Variants in EIF1AY observed in about 807,000 individuals in gnomAD.
The protein encoded by EIF1AY is eukaryotic translation initiation factor 1A Y-linked, also known as eukaryotic translation initiation factor 1A, Y-chromosomal.
For missense variants in EIF1AY, 19 were observed against 30.6 expected (o/e 0.62, Z 0.89); for synonymous variants, 16 against 9.9 (o/e 1.62, Z -1.16).
At chrY:20,584,017 C>T in intron 3 of EIF1AY, among the ~76,000 whole-genome samples, 1 of 32,851 alleles carries the variant, frequency 3.0e-5, no homozygotes, top group Non-Finnish European at 7.4e-5. Flanking sequence ...CTATGTACTA[C>T]ATACAACTAT....
intron 2 of EIF1AY, 102 bp from the exon 3 acceptor site, chrY:20,582,488 G>A: frequency 1.5e-5 from 3 of 203,595 alleles, no homozygotes; most frequent in Non-Finnish European, 2.6e-5. Context: ...TAGAATTACA[G>A]GCATGAGCCA....
chrY:20,586,480 T>C (rs888190085), intron 4 of EIF1AY, among the ~76,000 whole-genome samples: 1 of 33,614 alleles, frequency 3.0e-5, no homozygotes, highest in African/African-American at 1.2e-4. Flanking sequence ...TAGAATGGTG[T>C]TATCAAAGAA....
intron 1 of EIF1AY, among the ~76,000 whole-genome samples, chrY:20,577,121 G>T (rs765299809): frequency 3.0e-5 from 1 of 33,197 alleles, no homozygotes; most frequent in Admixed American, 2.7e-4. Flanking sequence ...TAAGCCATCA[G>T]CTCTAAAGAT....
chrY:20,592,661 A>G lies in EIF1AY; in HGVS notation c.*315A>G. On this transcript the variant is annotated 3_prime_UTR_variant, in exon 7 of 7. Coordinates refer to ENST00000361365, the MANE Select transcript of EIF1AY (RefSeq NM_004681.4). ...TCAAGTAATTGGATATTTTGAATACATTTCTGCCTGATAATCATGCTGGGT... is the reference window on the plus strand; with the variant it reads ...TCAAGTAATTGGATATTTTGAATACGTTTCTGCCTGATAATCATGCTGGGT... 1 of 44,537 alleles carries G rather than the reference A, an allele frequency of 2.2e-5. No homozygotes were observed. The highest frequency in any genetic ancestry group is 4.7e-4 in the South Asian group (1 of 2,132). 11.1% of individuals were successfully genotyped at this position (44,537 alleles called of 400,897 possible).
rs2089351371 is a variant in EIF1AY, at chrY:20,582,486, C to T, written c.101-104C>T. 5 of 195,027 alleles carry T rather than the reference C, an allele frequency of 2.6e-5. No individual in the cohort carries two copies. In the Admixed American group the frequency reaches 4.7e-4, roughly 18 times the overall value. The allele number at this position is 195,027 out of a possible 400,897, so 48.6% of individuals were successfully genotyped here. On this transcript the variant is annotated intron_variant, in intron 2 of 6. Transcript: ENST00000361365. ...TTGGCCTCCCAAATTGCTAGAATTA[C>T]AGGCATGAGCCACCATGCCTGGCCC...
chrY:20,584,592 A>G, intron 4 of EIF1AY, 68 bp downstream of exon 4: 1 of 165,033 alleles, frequency 6.1e-6, no homozygotes, highest in Non-Finnish European at 9.9e-6. Context: ...GAAGGTAACT[A>G]TACTAGCATC....
chrY:20,584,886 G>C, intron 4 of EIF1AY, among the ~76,000 whole-genome samples: 1 of 33,408 alleles, frequency 3.0e-5, no homozygotes, highest in Non-Finnish European at 7.4e-5. Context: ...CATTCAGCTA[G>C]GTATTTCAGA....
At chrY:20,588,774 C>A in intron 5 of EIF1AY, 1 of 33,353 alleles carries the variant, frequency 3.0e-5, no homozygotes, top group African/African-American at 1.2e-4. Flanking sequence ...ACATGAAGAT[C>A]TTGATGAAAT....
intron 5 of EIF1AY, chrY:20,588,753 T>C: frequency 3.0e-5 from 1 of 33,767 alleles, no homozygotes; most frequent in East Asian, 7.8e-4. Flanking sequence ...TATGAAAAGA[T>C]TTTTATATAA....
intron 3 of EIF1AY, among the ~76,000 whole-genome samples, chrY:20,584,015 T>C: frequency 6.0e-5 from 2 of 33,103 alleles, no homozygotes; most frequent in African/African-American, 1.2e-4. Context: ...AACTATGTAC[T>C]ACATACAACT....
chrY:20,581,752 A>G, intron 2 of EIF1AY, among the ~76,000 whole-genome samples: 1 of 33,332 alleles, frequency 3.0e-5, no homozygotes, highest in Non-Finnish European at 7.4e-5. Flanking sequence ...GATAGTGAAG[A>G]TAGAGTTAGG....
chrY:20,587,523 C>T, intron 4 of EIF1AY: 1 of 33,707 alleles, frequency 3.0e-5, no homozygotes, highest in Non-Finnish European at 7.3e-5. Context: ...CTCCTGACCT[C>T]ATGATCCGCC....
At chrY:20,584,916 C>A in intron 4 of EIF1AY, among the ~76,000 whole-genome samples, 1 of 33,103 alleles carries the variant, frequency 3.0e-5, no homozygotes, top group Non-Finnish European at 7.4e-5. Context: ...TCCCAAATGC[C>A]GGTCTGTTAA....
At chrY:20,585,845 T>A (rs2089354185) in intron 4 of EIF1AY, among the ~76,000 whole-genome samples, 1 of 30,862 alleles carries the variant, frequency 3.2e-5, no homozygotes, top group Non-Finnish European at 7.9e-5. Context: ...TTTTTTTTTT[T>A]AAACCGAACA....
At chrY:20,583,107 T>C (rs13447372) in intron 3 of EIF1AY, among the ~76,000 whole-genome samples, 1 of 33,567 alleles carries the variant, frequency 3.0e-5, no homozygotes, top group Admixed American at 2.7e-4. Flanking sequence ...ACTAGGAAAA[T>C]TGGAATATGG....
At chrY:20,578,100 A>G in intron 1 of EIF1AY, among the ~76,000 whole-genome samples, 1 of 33,139 alleles carries the variant, frequency 3.0e-5, no homozygotes, top group East Asian at 7.8e-4. Flanking sequence ...AAACTTGCTC[A>G]TTTGGTTTTC....
chrY:20,586,730 C>G, intron 4 of EIF1AY: 1 of 33,879 alleles, frequency 3.0e-5, no homozygotes, highest in Admixed American at 2.7e-4. Context: ...TCTGAAGGAA[C>G]AAATTTTAGC....
In EIF1AY at chrY:20,575,895, T is replaced by C; in HGVS notation, c.16+8T>C. On this transcript the variant is annotated splice_region_variant and intron_variant, in intron 1 of 6. Transcript: ENST00000361365. ...CCATGCCCAAGAATAAAGGTACTGC[T>C]GTAAGCCTCTGGGACTATACCTCGG... 1 of 381,550 alleles carries C rather than the reference T, an allele frequency of 2.6e-6. No individual in the cohort carries two copies. Among genetic ancestry groups the C allele is most frequent in the Non-Finnish European group, 3.7e-6 (1 of 273,546 alleles).
In EIF1AY at chrY:20,592,985, T is replaced by A; in HGVS notation, c.*639T>A. 3 of 33,517 alleles carry A rather than the reference T, an allele frequency of 9.0e-5. No homozygotes were observed. The highest frequency in any genetic ancestry group is 3.5e-4 in the African/African-American group (3 of 8,647). 8.4% of individuals were successfully genotyped at this position (33,517 alleles called of 400,897 possible). ...AACTTAGAATGTATAAGATTAAGAG[T>A]TAAAGAAACCGAACAATAAGTGGCA... On this transcript the variant is annotated 3_prime_UTR_variant, in exon 7 of 7. Transcript: ENST00000361365.
Sources: gnomAD v4.1 joint callset for allele counts (sites outside exome capture counted in the v4.1 genomes callset) on GRCh38, gnomAD v4.1.1 for gene constraint, MANE v1.5 for transcripts, NCBI Gene and HGNC (gene_info 2026-07-23, HGNC 2026-07-21) for gene names.